The following ZC3H3 variants were observed in gnomAD, a reference collection of about 807,000 sequenced individuals.
ZC3H3 encodes the protein zinc finger CCCH-type containing 3.
A neutral mutation model predicts 77.3 loss-of-function variants in ZC3H3; 36 were observed. The observed-to-expected ratio is 0.47, with a 90% confidence interval of 0.36 to 0.61. ZC3H3 has a LOEUF of 0.61. Among genes scored for constraint, ZC3H3 ranks in the 20% least tolerant of loss-of-function variants. ZC3H3 has a pLI of 0.00. For missense variants in ZC3H3, 1,331 were observed against 1,312.2 expected, an observed-to-expected ratio of 1.01 and a Z score of -0.22; for synonymous variants, 626 against 555.2, an observed-to-expected ratio of 1.13 and a Z score of -1.79.
intron 4 of ZC3H3, among the ~76,000 whole-genome samples, chr8:143,505,800 G>A (rs1225544114): frequency 1.3e-5 from 2 of 152,226 alleles, no homozygotes; most frequent in Non-Finnish European, 2.9e-5. Flanking sequence ...CTCCAGGGGT[G>A]GGCTGAATTC....
rs1278649358 is a variant in ZC3H3, at chr8:143,489,728, G to C, written c.1716-14143C>G. ...TATATCTATTTTCTGGCGTCAGGCG[G>C]TGATTTATTCAAGCCATTTTTCCGG... On this transcript the variant is annotated intron_variant, in intron 4 of 11. Coordinates refer to ENST00000262577, the MANE Select transcript of ZC3H3 (RefSeq NM_015117.3). Among the ~76,000 whole-genome samples, 4 of 152,216 alleles carry C rather than the reference G, an allele frequency of 2.6e-5. No homozygotes were observed. The East Asian group carries it at 5.8e-4, about 22-fold the overall frequency.
chr8:143,508,599 C>T (rs557460847), intron 3 of ZC3H3, among the ~76,000 whole-genome samples: 2 of 152,320 alleles, frequency 1.3e-5, no homozygotes, highest in South Asian at 4.1e-4. Flanking sequence ...AATTGCCCAG[C>T]TTGCATCATG....
intron 3 of ZC3H3, among the ~76,000 whole-genome samples, chr8:143,531,359 G>A (rs1252488670): frequency 1.3e-5 from 2 of 152,168 alleles, no homozygotes; most frequent in African/African-American, 4.8e-5. Flanking sequence ...AGCAGAGGAA[G>A]AGACCCCCAG....
intron 4 of ZC3H3, among the ~76,000 whole-genome samples, chr8:143,504,799 C>G (rs986473614): frequency 6.6e-6 from 1 of 152,238 alleles, no homozygotes; most frequent in Admixed American, 6.5e-5. Flanking sequence ...CACTGCCGTC[C>G]CTTCGCAGAG....
rs1392034447 is a variant in ZC3H3 at position 143,493,479 on chromosome 8, C to T, written c.1715+14267G>A. On this transcript the variant is annotated intron_variant, in intron 4 of 11. Transcript: ENST00000262577. This position sits in a 1 kb window ranked among gnomAD's most constrained non-coding sequence, Gnocchi z 4.8. Reference sequence around the variant, plus strand: ...AGGAGGGGTCTGGCCCTCGGCCACACCTGGAGAAGGTGGAAGGTATGCAGG... The same window carrying T: ...AGGAGGGGTCTGGCCCTCGGCCACATCTGGAGAAGGTGGAAGGTATGCAGG... 6.6e-6 allele frequency among the ~76,000 whole-genome samples: 1 copy of T among 152,194 alleles called. No homozygotes were observed. The highest frequency in any genetic ancestry group is 6.5e-5 in the Admixed American group (1 of 15,288).
chr8:143,478,432 C>T (rs992337243), intron 4 of ZC3H3, among the ~76,000 whole-genome samples: 2 of 152,242 alleles, frequency 1.3e-5, no homozygotes, highest in African/African-American at 2.4e-5. Flanking sequence ...CCGCCCCACC[C>T]ACCAGGGCCG....
intron 4 of ZC3H3, among the ~76,000 whole-genome samples, chr8:143,500,145 A>G (rs554069791): frequency 6.6e-6 from 1 of 152,242 alleles, no homozygotes; most frequent in African/African-American, 2.4e-5. Flanking sequence ...ACACAGATCC[A>G]TCCTGGGTGG....
At chr8:143,468,750 G>A (rs1820483912) in intron 5 of ZC3H3, 91 bp from the exon 6 acceptor site, 8 of 1,451,874 alleles carry the variant, frequency 5.5e-6, no homozygotes, top group Non-Finnish European at 7.3e-6. Flanking sequence ...GCCCTCAGGG[G>A]TCCCAACACT....
chr8:143,539,372 C>A lies in ZC3H3; in HGVS notation c.47-52G>T, dbSNP rs3750205. ...TTAGCCAGAGGGTAACCGCGATAAT[C>A]ATGACTACCCTGGAAGGGCATCAGC... On this transcript the variant is annotated intron_variant, in intron 1 of 11. Transcript: ENST00000262577. 3.9e-4 allele frequency: 585 copies of A among 1,502,476 alleles called. 7 individuals carry two copies. In the East Asian group the frequency reaches 0.013, roughly 32 times the overall value. The allele number at this position is 1,502,476 out of a possible 1,614,324, so 93.1% of individuals were successfully genotyped here. A position where few individuals can be genotyped will look rare whatever the true frequency, so the allele number is the denominator to read the frequency against.
chr8:143,506,000 G>A (rs1821681125), intron 4 of ZC3H3, among the ~76,000 whole-genome samples: 1 of 152,224 alleles, frequency 6.6e-6, no homozygotes, highest in South Asian at 2.1e-4. Flanking sequence ...CTGACCCGCT[G>A]CTCTCAGCCA....
At chr8:143,452,455 T>C (rs1820012912) in intron 9 of ZC3H3, among the ~76,000 whole-genome samples, 1 of 152,134 alleles carries the variant, frequency 6.6e-6, no homozygotes, top group Non-Finnish European at 1.5e-5. Context: ...CCACAGAAAG[T>C]GGCTGCTCAC....
chr8:143,517,177 C>A (rs1026607209), intron 3 of ZC3H3, among the ~76,000 whole-genome samples: 1 of 152,216 alleles, frequency 6.6e-6, no homozygotes, highest in Non-Finnish European at 1.5e-5. Context: ...ATCGATCGCA[C>A]GCCGACACCT....
At chr8:143,458,476 A>G (rs1820177935) in intron 9 of ZC3H3, among the ~76,000 whole-genome samples, 1 of 114,062 alleles carries the variant, frequency 8.8e-6, no homozygotes, top group East Asian at 2.4e-4. Context: ...CTGTAACCCC[A>G]GTATTTAGGG....
chr8:143,507,222 G>GC (rs1821727467), intron 4 of ZC3H3, among the ~76,000 whole-genome samples: 1 of 152,186 alleles, frequency 6.6e-6, no homozygotes, highest in African/African-American at 2.4e-5. Context: ...CGACAGAGCC[G>GC]CCCTCCCAGC....
intron 3 of ZC3H3, among the ~76,000 whole-genome samples, chr8:143,521,122 G>A (rs568199007): frequency 1.8e-4 from 27 of 152,152 alleles, no homozygotes; most frequent in African/African-American, 6.3e-4. Flanking sequence ...CCAGCCCAGA[G>A]GGTTCTCAAC....
rs531380683 is a variant in ZC3H3, at chr8:143,534,383, A to C, written c.1561+1874T>G. On this transcript the variant is annotated intron_variant, in intron 3 of 11. Transcript: ENST00000262577. Reference sequence around the variant, plus strand: ...GCACTCCGAAATGGTCAGCCGGTGAAGCTGGTGGCCTCCCAAACCCACTCT... The same window carrying C: ...GCACTCCGAAATGGTCAGCCGGTGACGCTGGTGGCCTCCCAAACCCACTCT... 2.7e-3 allele frequency among the ~76,000 whole-genome samples: 405 copies of C among 151,854 alleles called. 2 individuals are homozygous for C. The highest frequency in any genetic ancestry group is 9.3e-3 in the African/African-American group (384 of 41,374).
At chr8:143,450,826 C>T (rs926048147) in intron 9 of ZC3H3, among the ~76,000 whole-genome samples, 2 of 152,102 alleles carry the variant, frequency 1.3e-5, no homozygotes, top group Admixed American at 1.3e-4. Flanking sequence ...GATGATAATT[C>T]GACATGAGAT....
At chr8:143,537,670 C>T (rs1331965656) in intron 2 of ZC3H3, among the ~76,000 whole-genome samples, 3 of 145,174 alleles carry the variant, frequency 2.1e-5, no homozygotes, top group African/African-American at 5.1e-5. Context: ...ACTCCCCCTG[C>T]GCCTGGCCTG....
At position 143,539,264 on chromosome 8, in the gene ZC3H3, C is replaced by T. The variant is rs745561561; in HGVS notation, c.103G>A (p.Ala35Thr). Residue 35 changes from alanine to threonine, a missense_variant, in exon 2 of 12, where the codon GCA becomes ACA. Physicochemically the swap from Ala to Thr is moderately conservative, Grantham distance 58 (BLOSUM62 0). Coordinates refer to ENST00000262577, the MANE Select transcript of ZC3H3 (RefSeq NM_015117.3). The part of the protein sequence containing the change: ...HGNAPAPGTP[A>T]ASGWQPPTYH... ...GTGGGTGGCTGCCACCCAGAAGCTGCTGGGGTACCAGGGGCCGGGGCATTG... is the reference window on the plus strand; with the variant it reads ...GTGGGTGGCTGCCACCCAGAAGCTGTTGGGGTACCAGGGGCCGGGGCATTG... The T allele has an allele frequency of 5.6e-6, 9 of 1,612,644 alleles. No homozygotes were observed. In the East Asian group the frequency reaches 2.0e-4, roughly 36 times the overall value.
Sources: allele counts gnomAD v4.1 joint callset (sites outside exome capture counted in the v4.1 genomes callset), GRCh38; gene constraint gnomAD v4.1.1; non-coding constraint Gnocchi (gnomAD v3.1); transcripts MANE v1.5; gene names NCBI Gene and HGNC (gene_info 2026-07-23, HGNC 2026-07-21).